Variants in EYS observed in about 807,000 individuals in gnomAD.
The protein encoded by EYS is protein eyes shut homolog.
EYS carries 250 observed loss-of-function variants against 282.1 expected under a neutral mutation model. The ratio of observed to expected loss-of-function variants is 0.89; its 90% confidence interval spans 0.80 to 0.98. The LOEUF is 0.98. Among genes scored for constraint, EYS ranks in the 50% least tolerant of loss-of-function variants. The probability of loss-of-function intolerance (pLI) is 0.00; values close to 1 mark genes in which losing one functional copy is unlikely to be tolerated. For missense variants in EYS, 4,016 were observed against 3,709.0 expected (o/e 1.08, Z -2.15); for synonymous variants, 1,355 against 1,282.9 (o/e 1.06, Z -1.20).
intron 19 of EYS, among the ~76,000 whole-genome samples, chr6:64,840,071 T>A (rs760243321): frequency 6.6e-6 from 1 of 152,106 alleles, no homozygotes; most frequent in Non-Finnish European, 1.5e-5. Context: ...TACATAGTTG[T>A]GGTTATGAAC....
rs758915162 is a variant in EYS at position 64,792,856 on chromosome 6, A to ATGTGTGTGTGTGTGTGTG, written c.3443+20521_3443+20522insCACACACACACACACACA. Reference sequence around the variant, plus strand: ...TGTTTTAATTTCATACGATCTTGACACGTGTGTGTGTGTGTGTGTGTTAGA... The same window carrying ATGTGTGTGTGTGTGTGTG: ...TGTTTTAATTTCATACGATCTTGACATGTGTGTGTGTGTGTGTGCGTGTGTGTGTGTGTGTGTGTTAGA... On this transcript the variant is annotated intron_variant, in intron 22 of 42. Transcript: ENST00000503581. 3.8e-3 allele frequency among the ~76,000 whole-genome samples: 270 copies of ATGTGTGTGTGTGTGTGTG among 70,972 alleles called. 1 individual carries two copies. The highest frequency in any genetic ancestry group is 7.5e-3 in the Non-Finnish European group (175 of 23,298). 46.6% of individuals were successfully genotyped at this position (70,972 alleles called of 152,430 possible).
At chr6:65,379,436 T>G (rs1381446686) in intron 8 of EYS, among the ~76,000 whole-genome samples, 1 of 152,026 alleles carries the variant, frequency 6.6e-6, no homozygotes, top group Non-Finnish European at 1.5e-5. Context: ...CTAAAAACTC[T>G]CAATAAACTA....
intron 35 of EYS, among the ~76,000 whole-genome samples, chr6:63,981,740 G>A (rs1199776219): frequency 2.0e-5 from 3 of 151,822 alleles, no homozygotes; most frequent in Non-Finnish European, 4.4e-5. Context: ...AGGATGGAAG[G>A]TGAGATAATG....
At chr6:65,576,367 A>C (rs747210389) in intron 2 of EYS, among the ~76,000 whole-genome samples, 3 of 151,988 alleles carry the variant, frequency 2.0e-5, no homozygotes, top group Non-Finnish European at 4.4e-5. Flanking sequence ...TAAGTTTGAA[A>C]AAAATCAACA....
At chr6:64,438,613 A>G (rs1470966062) in intron 27 of EYS, among the ~76,000 whole-genome samples, 1 of 151,454 alleles carries the variant, frequency 6.6e-6, no homozygotes, top group African/African-American at 2.4e-5. Flanking sequence ...GAAATTGGGA[A>G]ACTGGTCAAT....
chr6:65,147,444 T>C (rs1208955830), intron 12 of EYS, among the ~76,000 whole-genome samples: 1 of 152,118 alleles, frequency 6.6e-6, no homozygotes, highest in Admixed American at 6.6e-5. Flanking sequence ...TTTGCATTGC[T>C]AAAACTTCAG....
chr6:65,623,030 T>G (rs905461568), intron 2 of EYS, among the ~76,000 whole-genome samples: 6 of 152,182 alleles, frequency 3.9e-5, no homozygotes, highest in African/African-American at 1.4e-4. Context: ...AGTACTGAGA[T>G]TGTAGGCCTG....
intron 33 of EYS, among the ~76,000 whole-genome samples, chr6:64,060,536 C>T (rs1771131061): frequency 6.6e-6 from 1 of 152,038 alleles, no homozygotes; most frequent in Admixed American, 6.6e-5. Flanking sequence ...AAAATCAATC[C>T]TACTCAGAAT....
At chr6:63,852,503 C>CA (rs895019203) in intron 36 of EYS, among the ~76,000 whole-genome samples, 14 of 152,014 alleles carry the variant, frequency 9.2e-5, no homozygotes, top group Admixed American at 3.3e-4. Flanking sequence ...GCCTACCAAC[C>CA]AAAAAAAGCC....
chr6:63,915,484 C>T (rs1352232446), intron 35 of EYS, among the ~76,000 whole-genome samples: 1 of 152,146 alleles, frequency 6.6e-6, no homozygotes, highest in East Asian at 1.9e-4. Context: ...GCTGATAAAC[C>T]ATATATTCTG....
chr6:64,056,445 A>G (rs1416629469), intron 33 of EYS, among the ~76,000 whole-genome samples: 2 of 152,220 alleles, frequency 1.3e-5, no homozygotes, highest in Non-Finnish European at 2.9e-5. Context: ...TTCTGAGAAT[A>G]CATTCCTATT....
intron 19 of EYS, among the ~76,000 whole-genome samples, chr6:64,837,683 G>GGA (rs1367991138): frequency 3.0e-5 from 2 of 66,264 alleles, no homozygotes; most frequent in Non-Finnish European, 7.1e-5. Context: ...TATATATATA[G>GGA]GATATATATA....
At chr6:65,339,204 A>G (rs888498344) in intron 10 of EYS, among the ~76,000 whole-genome samples, 5 of 151,188 alleles carry the variant, frequency 3.3e-5, no homozygotes, top group Admixed American at 2.0e-4. Context: ...AATTGCACCA[A>G]AGTTAGATAG....
chr6:65,409,656 T>A (rs1766897635), intron 5 of EYS, among the ~76,000 whole-genome samples: 1 of 152,158 alleles, frequency 6.6e-6, no homozygotes, highest in African/African-American at 2.4e-5. Flanking sequence ...TTCATCCAAA[T>A]CACTATATAG....
intron 39 of EYS, 110 bp from the exon 40 acceptor site, chr6:63,778,290 C>T (rs1241725736): frequency 8.8e-7 from 1 of 1,136,660 alleles, no homozygotes; most frequent in East Asian, 2.6e-5. Flanking sequence ...TAAAGTAATA[C>T]ATGTAAATTT....
chr6:64,959,413 A>AT (rs1479426096), intron 14 of EYS, among the ~76,000 whole-genome samples: 1 of 152,042 alleles, frequency 6.6e-6, no homozygotes, highest in Non-Finnish European at 1.5e-5. Context: ...ATTATTCTTT[A>AT]TTTTTTGAAT....
At chr6:65,033,792 A>C (rs1342636066) in intron 13 of EYS, among the ~76,000 whole-genome samples, 1 of 152,152 alleles carries the variant, frequency 6.6e-6, no homozygotes, top group African/African-American at 2.4e-5. Flanking sequence ...CTTCACACAG[A>C]GTCCCAAATT....
At chr6:64,621,539 G>A (rs183819609) in intron 23 of EYS, among the ~76,000 whole-genome samples, 1 of 152,038 alleles carries the variant, frequency 6.6e-6, no homozygotes, top group East Asian at 1.9e-4. Flanking sequence ...CTCATAATAA[G>A]GATTTCTTTA....
At chr6:63,826,739 A>G (rs1036305144) in intron 36 of EYS, among the ~76,000 whole-genome samples, 4 of 152,054 alleles carry the variant, frequency 2.6e-5, no homozygotes, top group Non-Finnish European at 5.9e-5. Flanking sequence ...AACTGCTAAA[A>G]GGAGCTCTAA....
Sources: gnomAD v4.1 joint callset for allele counts (sites outside exome capture counted in the v4.1 genomes callset) on GRCh38, gnomAD v4.1.1 for gene constraint, MANE v1.5 for transcripts, NCBI Gene and HGNC (gene_info 2026-07-23, HGNC 2026-07-21) for gene names.